Variants in MSN observed in about 807,000 individuals in gnomAD.
MSN encodes the protein moesin.
A neutral mutation model predicts 48.0 loss-of-function variants in MSN; 2 were observed. The observed-to-expected ratio is 0.04, with a 90% CI of 0.02 to 0.13. The LOEUF is 0.13. Ranked by LOEUF, MSN falls within the 10% of genes least tolerant of loss-of-function variation. The pLI is 1.00. For synonymous variants in MSN, 146 were observed against 166.9 expected (o/e 0.87, Z 0.97); for missense variants, 267 against 470.1 (o/e 0.57, Z 3.99).
chrX:65,716,050 T>C (rs1486305225), intron 1 of MSN, among the ~76,000 whole-genome samples: 3 of 112,036 alleles, frequency 2.7e-5, no homozygotes, highest in Non-Finnish European at 5.6e-5. Flanking sequence ...TTAGATTTTA[T>C]TGAAAGCTTT....
upstream of MSN, among the ~76,000 whole-genome samples, chrX:65,663,824 C>T (rs748571679): frequency 2.0e-4 from 22 of 110,097 alleles, no homozygotes; most frequent in South Asian, 3.9e-4. Context: ...TTTGGGAGGC[C>T]GAGGTGGGCT....
intron 1 of MSN, among the ~76,000 whole-genome samples, chrX:65,649,279 C>T (rs767433535): frequency 3.1e-5 from 3 of 98,256 alleles, no homozygotes; most frequent in Non-Finnish European, 4.0e-5. Flanking sequence ...ATATATATAT[C>T]TATGGCCAGG....
intron 1 of MSN, among the ~76,000 whole-genome samples, chrX:65,634,882 G>A (rs1416202060): frequency 9.0e-6 from 1 of 110,923 alleles, no homozygotes; most frequent in African/African-American, 3.3e-5. Flanking sequence ...GTCTGTTATG[G>A]CCCCTGGGAG....
intron 1 of MSN, among the ~76,000 whole-genome samples, chrX:65,606,422 C>T (rs1344378002): frequency 3.6e-5 from 4 of 109,986 alleles, no homozygotes; most frequent in Non-Finnish European, 5.7e-5. Context: ...CCACCACACC[C>T]GGCCTGTTTT....
At chrX:65,633,332 G>A (rs949360681) in intron 1 of MSN, among the ~76,000 whole-genome samples, 5 of 111,673 alleles carry the variant, frequency 4.5e-5, no homozygotes, top group African/African-American at 1.6e-4. Context: ...ACCCTTGGTA[G>A]GCTGGCATGC....
At chrX:65,695,380 A>G (rs2071224030) in intron 1 of MSN, among the ~76,000 whole-genome samples, 1 of 109,200 alleles carries the variant, frequency 9.2e-6, no homozygotes, top group Admixed American at 9.8e-5. Context: ...CATGCCTGTG[A>G]TCCCAGCTAC....
At chrX:65,674,780 G>T (rs780107921) in intron 1 of MSN, among the ~76,000 whole-genome samples, 1 of 111,500 alleles carries the variant, frequency 9.0e-6, no homozygotes, top group East Asian at 2.8e-4. Context: ...GCCTGGGGCA[G>T]GAAGCTAAAA....
Position 65,727,915 on chromosome X carries a change from T to G in MSN, c.192+6T>G. The G allele has an allele frequency of 8.5e-7, 1 of 1,178,162 alleles. No individual in the cohort carries two copies. Among genetic ancestry groups the G allele is most frequent in the African/African-American group, 1.8e-5 (1 of 57,140 alleles). Reference sequence around the variant, plus strand: ...GGCTGAAACTCAATAAGAAGGTAACTGCTTATTCCTCTGTTGGATTTAGAA... The same window carrying G: ...GGCTGAAACTCAATAAGAAGGTAACGGCTTATTCCTCTGTTGGATTTAGAA... On this transcript the variant is annotated splice_donor_region_variant and intron_variant, in intron 3 of 12. Coordinates refer to ENST00000360270, the MANE Select transcript of MSN (RefSeq NM_002444.3).
intron 1 of MSN, among the ~76,000 whole-genome samples, chrX:65,598,681 C>T (rs1602706365): frequency 1.8e-5 from 2 of 111,304 alleles, no homozygotes; most frequent in African/African-American, 6.5e-5. Context: ...TAGTTCAAAA[C>T]AGACTGGCCT....
chrX:65,727,940 ATTC>A (rs1394023007), intron 3 of MSN, 31 bp downstream of exon 3: 5 of 1,148,216 alleles, frequency 4.4e-6, no homozygotes, highest in Non-Finnish European at 6.0e-6. Flanking sequence ...TGGATTTAGA[ATTC>A]TTTTCTTTTC....
intron 1 of MSN, among the ~76,000 whole-genome samples, chrX:65,614,137 C>T (rs1242218953): frequency 9.0e-6 from 1 of 111,633 alleles, no homozygotes; most frequent in African/African-American, 3.3e-5. Flanking sequence ...AATCCTTTCC[C>T]CATTGCTTGT....
At chrX:65,608,211 G>A (rs1005965642) in intron 1 of MSN, among the ~76,000 whole-genome samples, 1 of 111,593 alleles carries the variant, frequency 9.0e-6, no homozygotes, top group African/African-American at 3.3e-5. Flanking sequence ...GTATGAGACT[G>A]TGTGTGAGTT....
At chrX:65,589,646 T>G (rs1177109409) in intron 1 of MSN, 1 of 112,117 alleles carries the variant, frequency 8.9e-6, no homozygotes, top group Non-Finnish European at 1.9e-5. Context: ...CTCTTGCCAG[T>G]AGATCCCAGC....
intron 1 of MSN, among the ~76,000 whole-genome samples, chrX:65,618,691 C>T (rs1433300377): frequency 5.6e-4 from 62 of 110,106 alleles, no homozygotes; most frequent in Non-Finnish European, 9.9e-4. Flanking sequence ...TTAATTGGAG[C>T]ATTTAGTCCA....
At chrX:65,678,474 G>A (rs1328559292) in intron 1 of MSN, among the ~76,000 whole-genome samples, 1 of 111,782 alleles carries the variant, frequency 8.9e-6, no homozygotes, top group Non-Finnish European at 1.9e-5. Context: ...GAGGTTCAGA[G>A]TGTGGGGGTG....
chrX:65,654,863 G>A (rs1442912763), intron 1 of MSN, among the ~76,000 whole-genome samples: 1 of 111,326 alleles, frequency 9.0e-6, no homozygotes, highest in Non-Finnish European at 1.9e-5. Flanking sequence ...TTTTTTCAGA[G>A]CGTTGTAGGT....
chrX:65,613,564 C>A, intron 1 of MSN, among the ~76,000 whole-genome samples: 1 of 112,384 alleles, frequency 8.9e-6, no homozygotes, highest in Admixed American at 9.5e-5. Flanking sequence ...GATTGCCATT[C>A]TAACTAGTAT....
intron 1 of MSN, among the ~76,000 whole-genome samples, chrX:65,655,631 C>T (rs1037125018): frequency 8.9e-6 from 1 of 112,976 alleles, no homozygotes; most frequent in East Asian, 2.8e-4. Context: ...CTTTCTCCCA[C>T]TTGATCCAGC....
At chrX:65,651,941 T>A (rs754018094) in intron 1 of MSN, among the ~76,000 whole-genome samples, 4 of 105,545 alleles carry the variant, frequency 3.8e-5, no homozygotes, top group African/African-American at 1.0e-4. Context: ...CTATCAGACA[T>A]CCCTCTAGTC....
Sources: allele counts gnomAD v4.1 joint callset (sites outside exome capture counted in the v4.1 genomes callset), GRCh38; gene constraint gnomAD v4.1.1; transcripts MANE v1.5; gene names NCBI Gene and HGNC (gene_info 2026-07-23, HGNC 2026-07-21).